Variants in XIRP2 observed in about 807,000 individuals in gnomAD.
XIRP2 encodes the protein xin actin-binding repeat-containing protein 2.
A neutral mutation model predicts 277.0 loss-of-function variants in XIRP2; 236 were observed. The observed-to-expected ratio is 0.85, with a 90% CI of 0.77 to 0.95. XIRP2 has a LOEUF of 0.95. Ranked by LOEUF, XIRP2 falls within the 40% of genes least tolerant of loss-of-function variation. XIRP2 has a pLI of 0.00. For synonymous variants in XIRP2, 1,490 were observed against 1,416.5 expected (o/e 1.05, Z -1.17); for missense variants, 4,640 against 4,157.5 (o/e 1.12, Z -3.19).
chr2:166,942,592 A>G (rs1685749389), intron 2 of XIRP2, among the ~76,000 whole-genome samples: 1 of 152,224 alleles, frequency 6.6e-6, no homozygotes, highest in South Asian at 2.1e-4. Context: ...AAACCACAGC[A>G]TCAAATTTTA....
intron 2 of XIRP2, among the ~76,000 whole-genome samples, chr2:166,955,922 C>T (rs1686150462): frequency 6.6e-6 from 1 of 151,560 alleles, no homozygotes; most frequent in South Asian, 2.1e-4. Context: ...CACTAAGTTT[C>T]ACTGGCTACA....
intron 2 of XIRP2, among the ~76,000 whole-genome samples, chr2:167,030,308 G>A (rs1051229822): frequency 1.3e-5 from 2 of 151,694 alleles, no homozygotes; most frequent in Non-Finnish European, 2.9e-5. Flanking sequence ...GTGATGTTAG[G>A]GTATTGATTT....
chr2:167,166,499 T>A (rs1692523761), intron 3 of XIRP2, among the ~76,000 whole-genome samples: 1 of 152,164 alleles, frequency 6.6e-6, no homozygotes, highest in Non-Finnish European at 1.5e-5. Flanking sequence ...TGTTCATCTG[T>A]TTTTGCGTTG....
At chr2:167,069,650 C>A (rs937856026) in intron 2 of XIRP2, among the ~76,000 whole-genome samples, 22 of 152,148 alleles carry the variant, frequency 1.4e-4, no homozygotes, top group African/African-American at 4.6e-4. Context: ...CCGACCCCGA[C>A]CCTCTCCTAC....
chr2:167,197,728 A>G (rs1238132106), intron 3 of XIRP2, among the ~76,000 whole-genome samples: 2 of 152,106 alleles, frequency 1.3e-5, no homozygotes, highest in Non-Finnish European at 2.9e-5. Flanking sequence ...GTGAAAGCCT[A>G]GTTTCATATG....
intron 7 of XIRP2, among the ~76,000 whole-genome samples, chr2:167,241,288 C>T (rs1322657169): frequency 6.6e-6 from 1 of 151,870 alleles, no homozygotes; most frequent in African/African-American, 2.4e-5. Flanking sequence ...GATTACATGA[C>T]TATATCTTTA....
chr2:167,153,365 GTT>G (rs75061070), intron 3 of XIRP2, among the ~76,000 whole-genome samples: 2 of 147,806 alleles, frequency 1.4e-5, no homozygotes, highest in African/African-American at 4.9e-5. Flanking sequence ...AAATAGTAAA[GTT>G]TTTTTTTTAA....
At chr2:167,099,140 G>A (rs1411644956) in intron 2 of XIRP2, among the ~76,000 whole-genome samples, 1 of 152,196 alleles carries the variant, frequency 6.6e-6, no homozygotes, top group African/African-American at 2.4e-5. Context: ...GTTCCAGGGA[G>A]ATGGGAGGTT....
intron 2 of XIRP2, among the ~76,000 whole-genome samples, chr2:167,037,519 GTGTGTGTGTGTGTGTGTGTGT>G: frequency 1.3e-5 from 1 of 76,426 alleles, no homozygotes; most frequent in Middle Eastern, 8.3e-3. Flanking sequence ...CATGTGGGGG[GTGTGTGTGTGTGTGTGTGTGT>G]GTGTGTGTGT....
At chr2:167,226,551 G>A (rs575424269) in intron 5 of XIRP2, among the ~76,000 whole-genome samples, 34 of 152,268 alleles carry the variant, frequency 2.2e-4, no homozygotes, top group African/African-American at 7.9e-4. Context: ...AACCACACGA[G>A]GACTTGCACT....
At chr2:167,147,231 T>C (rs2105328438) in intron 3 of XIRP2, among the ~76,000 whole-genome samples, 1 of 152,290 alleles carries the variant, frequency 6.6e-6, no homozygotes, top group South Asian at 2.1e-4. Context: ...CAACTGCCTA[T>C]ATAAAATAGT....
At chr2:167,202,080 A>C (rs1166862387) in intron 3 of XIRP2, among the ~76,000 whole-genome samples, 1 of 152,208 alleles carries the variant, frequency 6.6e-6, no homozygotes, top group Non-Finnish European at 1.5e-5. Flanking sequence ...AGCTATCATT[A>C]TTATAATGTA....
intron 2 of XIRP2, among the ~76,000 whole-genome samples, chr2:167,018,641 C>G (rs1241162265): frequency 1.3e-5 from 2 of 152,016 alleles, no homozygotes; most frequent in African/African-American, 4.8e-5. Flanking sequence ...GCATTTTACT[C>G]ATTTTTGGCA....
chr2:167,008,460 T>A (rs1445524917), intron 2 of XIRP2, among the ~76,000 whole-genome samples: 1 of 151,594 alleles, frequency 6.6e-6, no homozygotes, highest in Non-Finnish European at 1.5e-5. Flanking sequence ...AATAAAATGG[T>A]CTTTCCACTC....
intron 2 of XIRP2, among the ~76,000 whole-genome samples, chr2:167,028,520 G>A (rs1015060767): frequency 3.3e-5 from 5 of 152,042 alleles, no homozygotes; most frequent in African/African-American, 9.7e-5. Flanking sequence ...GCCCCTTAAT[G>A]CAGAAATGCA....
chr2:166,948,681 A>G (rs1436430993), intron 2 of XIRP2, among the ~76,000 whole-genome samples: 1 of 152,042 alleles, frequency 6.6e-6, no homozygotes, highest in African/African-American at 2.4e-5. Context: ...CTACTACATC[A>G]TGATGCCTCT....
At position 166,925,589 on chromosome 2, in the gene XIRP2, G is replaced by GTA. The variant is rs1470366389; in HGVS notation, c.408+21704_408+21705dup. ...TGTGTATGTATGTGTGTGTGTATGTGTATATACATATATATATATATATAT... is the reference window on the plus strand; with the variant it reads ...TGTGTATGTATGTGTGTGTGTATGTGTATATATACATATATATATATATATAT... On this transcript the variant is annotated intron_variant, in intron 2 of 10. Transcript: ENST00000409195. Among the ~76,000 whole-genome samples, 2,475 of 105,794 alleles carry GTA rather than the reference G, an allele frequency of 0.023. 189 individuals are homozygous for GTA. In the East Asian group the frequency reaches 0.25, roughly 11 times the overall value. The allele number at this position is 105,794 out of a possible 152,430, so 69.4% of individuals were successfully genotyped here.
At chr2:167,192,644 T>G (rs978452487) in intron 3 of XIRP2, among the ~76,000 whole-genome samples, 1 of 152,236 alleles carries the variant, frequency 6.6e-6, no homozygotes, top group African/African-American at 2.4e-5. Context: ...ATTAAAATTC[T>G]GTCAATTCCA....
chr2:167,129,699 T>C (rs1375527181), intron 2 of XIRP2, among the ~76,000 whole-genome samples: 2 of 151,912 alleles, frequency 1.3e-5, no homozygotes, highest in African/African-American at 4.8e-5. Flanking sequence ...GGAGAAACCC[T>C]GTCTCTACTG....
Sources: gnomAD v4.1 joint callset for allele counts (sites outside exome capture counted in the v4.1 genomes callset) on GRCh38, gnomAD v4.1.1 for gene constraint, MANE v1.5 for transcripts, NCBI Gene and HGNC (gene_info 2026-07-23, HGNC 2026-07-21) for gene names.